Variants in NEGR1 observed in about 807,000 individuals in gnomAD.
The protein encoded by NEGR1 is neuronal growth regulator 1, also known as IgLON family member 4.
In NEGR1, 10 loss-of-function variants were observed where a neutral mutation model predicts 40.9. The observed-to-expected ratio is 0.24, with a 90% CI of 0.15 to 0.42. The LOEUF is 0.42. Among genes scored for constraint, NEGR1 ranks in the 10% least tolerant of loss-of-function variants. The pLI is 1.00. For synonymous variants in NEGR1, 185 were observed against 166.8 expected (o/e 1.11, Z -0.84); for missense variants, 352 against 438.9 (o/e 0.80, Z 1.77).
At chr1:72,275,114 G>A in intron 1 of NEGR1, 1 of 822,940 alleles carries the variant, frequency 1.2e-6, no homozygotes, top group Non-Finnish European at 2.2e-6. Flanking sequence ...GGAACAGAAA[G>A]CCAGATCTTT....
chr1:71,496,284 G>A (rs556202472), intron 6 of NEGR1, among the ~76,000 whole-genome samples: 25 of 152,238 alleles, frequency 1.6e-4, no homozygotes, highest in Non-Finnish European at 2.9e-5. Flanking sequence ...AGAAGGAATA[G>A]AGGAATTAAA....
chr1:71,515,836 C>T (rs1466632076), intron 6 of NEGR1, among the ~76,000 whole-genome samples: 71 of 82,740 alleles, frequency 8.6e-4, no homozygotes, highest in South Asian at 1.8e-3. Flanking sequence ...ACCCATCTCA[C>T]GTGCAGAGAC....
intron 1 of NEGR1, among the ~76,000 whole-genome samples, chr1:72,188,388 C>T (rs1652691431): frequency 6.6e-6 from 1 of 151,362 alleles, no homozygotes; most frequent in African/African-American, 2.4e-5. Context: ...ACTTTAGGTG[C>T]CTGCAGGTTA....
intron 1 of NEGR1, among the ~76,000 whole-genome samples, chr1:71,978,079 G>T (rs545134996): frequency 6.7e-6 from 1 of 148,984 alleles, no homozygotes; most frequent in Non-Finnish European, 1.5e-5. Flanking sequence ...GTTTAAGAGA[G>T]AATAAGGCCT....
intron 6 of NEGR1, among the ~76,000 whole-genome samples, chr1:71,504,712 A>C (rs1182110853): frequency 1.3e-5 from 2 of 152,096 alleles, no homozygotes; most frequent in African/African-American, 4.8e-5. Context: ...AGGGGTACAA[A>C]AGTCTCTAAG....
rs180897775 is a variant in NEGR1, at chr1:71,756,504, A to C, written c.535+19668T>G. ...ATTTTATCTCTACAGACATGTGTTC[A>C]AAATCCATAATTATTTCTTGTCATG... On this transcript the variant is annotated intron_variant, in intron 3 of 6. Coordinates refer to ENST00000357731, the MANE Select transcript of NEGR1 (RefSeq NM_173808.3). Among the ~76,000 whole-genome samples, 462 of 152,200 alleles carry C rather than the reference A, an allele frequency of 3.0e-3. 3 individuals carry two copies. The highest frequency in any genetic ancestry group is 0.011 in the African/African-American group (446 of 41,538).
chr1:71,886,071 C>A (rs915032023), intron 2 of NEGR1, among the ~76,000 whole-genome samples: 7 of 152,092 alleles, frequency 4.6e-5, no homozygotes, highest in African/African-American at 1.7e-4. Flanking sequence ...GACTATCAAC[C>A]ATTAATAGTC....
intron 1 of NEGR1, among the ~76,000 whole-genome samples, chr1:72,190,394 C>A (rs1166135284): frequency 4.6e-5 from 7 of 151,326 alleles, no homozygotes; most frequent in African/African-American, 1.7e-4. Context: ...TACATGAAAT[C>A]CCTTGATAAT....
chr1:71,784,648 A>T (rs1209394633), intron 2 of NEGR1, among the ~76,000 whole-genome samples: 1 of 152,210 alleles, frequency 6.6e-6, no homozygotes, highest in Non-Finnish European at 1.5e-5. Context: ...AATTATAGAG[A>T]AACTAAAGTG....
intron 1 of NEGR1, among the ~76,000 whole-genome samples, chr1:72,215,484 T>A (rs957732298): frequency 9.9e-5 from 15 of 151,912 alleles, no homozygotes; most frequent in Admixed American, 3.3e-4. Flanking sequence ...AGGTCTAGTA[T>A]CCAGAATCTA....
intron 1 of NEGR1, among the ~76,000 whole-genome samples, chr1:72,003,546 G>T (rs1445204516): frequency 6.6e-6 from 1 of 151,952 alleles, no homozygotes; most frequent in African/African-American, 2.4e-5. Context: ...GAAAGAAAAT[G>T]GAGAACTTAG....
At chr1:71,603,533 T>C (rs549673992) in intron 5 of NEGR1, among the ~76,000 whole-genome samples, 1 of 152,314 alleles carries the variant, frequency 6.6e-6, no homozygotes, top group Non-Finnish European at 1.5e-5. Flanking sequence ...ATGAGTAAGA[T>C]AGTATGTAGT....
At chr1:72,009,959 C>T (rs979609235) in intron 1 of NEGR1, among the ~76,000 whole-genome samples, 1 of 151,928 alleles carries the variant, frequency 6.6e-6, no homozygotes, top group Non-Finnish European at 1.5e-5. Context: ...AAAGCAGAGA[C>T]TGGAATGTGC....
chr1:71,846,757 T>C (rs947573106), intron 2 of NEGR1, among the ~76,000 whole-genome samples: 7 of 152,276 alleles, frequency 4.6e-5, no homozygotes, highest in African/African-American at 1.2e-4. Flanking sequence ...CTGTTCCTTA[T>C]AGGCAGTGCC....
chr1:72,080,287 A>C (rs1029019114), intron 1 of NEGR1, among the ~76,000 whole-genome samples: 1 of 152,078 alleles, frequency 6.6e-6, no homozygotes, highest in African/African-American at 2.4e-5. Context: ...AGTATTTTGA[A>C]TATATTAAGC....
chr1:72,123,628 G>T (rs1649891952), intron 1 of NEGR1, among the ~76,000 whole-genome samples: 1 of 151,740 alleles, frequency 6.6e-6, no homozygotes, highest in South Asian at 2.1e-4. Context: ...CAATAGAAAA[G>T]CTCTGTGGGA....
intron 4 of NEGR1, among the ~76,000 whole-genome samples, chr1:71,622,433 T>C (rs954190766): frequency 8.6e-5 from 13 of 151,938 alleles, no homozygotes; most frequent in African/African-American, 3.1e-4. Context: ...ATTGAAGGCG[T>C]TATAAACTTT....
chr1:71,773,749 T>C (rs1362292314), intron 3 of NEGR1, among the ~76,000 whole-genome samples: 2 of 152,190 alleles, frequency 1.3e-5, no homozygotes, highest in Non-Finnish European at 1.5e-5. Context: ...TTGCTCAGTA[T>C]GGCAGAATCA....
intron 1 of NEGR1, among the ~76,000 whole-genome samples, chr1:72,144,602 A>C (rs552109359): frequency 1.3e-5 from 2 of 152,088 alleles, no homozygotes; most frequent in East Asian, 3.9e-4. Context: ...TTCACCATTG[A>C]TGTTCCTTAA....
Sources: gnomAD v4.1 joint callset for allele counts (sites outside exome capture counted in the v4.1 genomes callset) on GRCh38, gnomAD v4.1.1 for gene constraint, MANE v1.5 for transcripts, NCBI Gene and HGNC (gene_info 2026-07-23, HGNC 2026-07-21) for gene names.